The following PRKCH variants were observed in gnomAD, a reference collection of about 807,000 sequenced individuals.
PRKCH encodes the protein protein kinase C eta type.
In PRKCH, 28 loss-of-function variants were observed where a neutral mutation model predicts 82.5. The ratio of observed to expected loss-of-function variants is 0.34; its 90% CI spans 0.25 to 0.47. The LOEUF is 0.47. Ranked by LOEUF, PRKCH falls within the 20% of genes least tolerant of loss-of-function variation. The pLI is 1.00. For synonymous variants in PRKCH, 322 were observed against 327.4 expected (o/e 0.98, Z 0.18); for missense variants, 705 against 881.8 (o/e 0.80, Z 2.54).
At chr14:61,286,094 T>A (rs2045311576) in intron 1 of PRKCH, among the ~76,000 whole-genome samples, 1 of 152,254 alleles carries the variant, frequency 6.6e-6, no homozygotes, top group African/African-American at 2.4e-5. Flanking sequence ...TGTAGTTCAT[T>A]TAATTCATGA....
chr14:61,230,857 T>A (rs1354900264), intron 1 of PRKCH, among the ~76,000 whole-genome samples: 1 of 152,184 alleles, frequency 6.6e-6, no homozygotes, highest in African/African-American at 2.4e-5. Flanking sequence ...GTTAAAATAG[T>A]CACAAAGGTG....
chr14:61,385,114 G>C (rs988475368), intron 1 of PRKCH, among the ~76,000 whole-genome samples: 1 of 151,414 alleles, frequency 6.6e-6, no homozygotes, highest in Non-Finnish European at 1.5e-5. Context: ...TAGGGGAGGG[G>C]GTTAGTGTGT....
intron 2 of PRKCH, among the ~76,000 whole-genome samples, chr14:61,434,773 C>A (rs867419762): frequency 6.6e-6 from 1 of 152,120 alleles, no homozygotes; most frequent in South Asian, 2.1e-4. Flanking sequence ...TGTAATCTAG[C>A]ACTTTGCGAG....
intron 1 of PRKCH, among the ~76,000 whole-genome samples, chr14:61,192,045 T>C (rs1342054478): frequency 3.4e-5 from 5 of 148,810 alleles, no homozygotes; most frequent in Admixed American, 6.7e-5. Flanking sequence ...TGTGTGTGTG[T>C]GCCTGAAATA....
At chr14:61,288,924 A>C (rs1041904697) in intron 1 of PRKCH, among the ~76,000 whole-genome samples, 1 of 152,260 alleles carries the variant, frequency 6.6e-6, no homozygotes, top group Non-Finnish European at 1.5e-5. Context: ...TGAAGGAAGC[A>C]GATCTGGCTG....
intron 1 of PRKCH, among the ~76,000 whole-genome samples, chr14:61,247,967 C>T (rs1429866053): frequency 6.6e-6 from 1 of 152,064 alleles, no homozygotes; most frequent in African/African-American, 2.4e-5. Flanking sequence ...CTTTCAAATA[C>T]AGGATACTCC....
intron 9 of PRKCH, among the ~76,000 whole-genome samples, chr14:61,483,705 G>A (rs548055152): frequency 5.3e-5 from 8 of 152,302 alleles, no homozygotes; most frequent in African/African-American, 1.9e-4. Context: ...AGCTGTGAAT[G>A]TGTGGAAACA....
At chr14:61,417,938 T>A (rs1419140237) in intron 2 of PRKCH, among the ~76,000 whole-genome samples, 2 of 152,196 alleles carry the variant, frequency 1.3e-5, no homozygotes, top group Non-Finnish European at 2.9e-5. Context: ...ACTGAAAGGG[T>A]AGAGGCCAGG....
intron 12 of PRKCH, among the ~76,000 whole-genome samples, chr14:61,541,112 C>CCT (rs2043179021): frequency 6.6e-6 from 1 of 152,262 alleles, no homozygotes; most frequent in Non-Finnish European, 1.5e-5. Context: ...CAGCCACATC[C>CCT]CTGCATGACC....
intron 9 of PRKCH, among the ~76,000 whole-genome samples, chr14:61,478,196 CT>C (rs1253830980): frequency 1.3e-5 from 2 of 152,216 alleles, no homozygotes; most frequent in Non-Finnish European, 2.9e-5. Context: ...AAGCCCTTAG[CT>C]TAAATCATTT....
rs373292464 is a variant in PRKCH, at chr14:61,428,314, A to G, written c.428-14797A>G. 1.5e-4 allele frequency among the ~76,000 whole-genome samples: 23 copies of G among 151,984 alleles called. 3 individuals carry two copies. The highest frequency in any genetic ancestry group is 1.3e-3 in the Admixed American group (20 of 15,266). On this transcript the variant is annotated intron_variant, in intron 2 of 13. Transcript: ENST00000332981. ...CTAGCCTTTGTAACAATAAGGGTCTATTCTGTCGGTTTTAGGTCTCTATTT... is the reference window on the plus strand; with the variant it reads ...CTAGCCTTTGTAACAATAAGGGTCTGTTCTGTCGGTTTTAGGTCTCTATTT...
At chr14:61,398,771 T>G (rs968786414) in intron 2 of PRKCH, among the ~76,000 whole-genome samples, 2 of 152,186 alleles carry the variant, frequency 1.3e-5, no homozygotes, top group Admixed American at 6.5e-5. Context: ...TGGAAAAATT[T>G]TACAGGAAAA....
At chr14:61,428,586 T>C (rs1883243792) in intron 2 of PRKCH, among the ~76,000 whole-genome samples, 1 of 152,198 alleles carries the variant, frequency 6.6e-6, no homozygotes, top group South Asian at 2.1e-4. Context: ...ATGCTGAGAA[T>C]AGCTTAAACT....
At chr14:61,480,943 C>T (rs1435599974) in intron 9 of PRKCH, among the ~76,000 whole-genome samples, 2 of 152,184 alleles carry the variant, frequency 1.3e-5, no homozygotes, top group African/African-American at 4.8e-5. Context: ...TCCAGCCTGA[C>T]TTGCATACCC....
At chr14:61,225,121 C>T (rs750851014) in intron 1 of PRKCH, among the ~76,000 whole-genome samples, 3 of 152,198 alleles carry the variant, frequency 2.0e-5, no homozygotes, top group Non-Finnish European at 4.4e-5. Flanking sequence ...AATGCTCTCT[C>T]CATTAAGTTT....
At chr14:61,379,432 A>G (rs2046468518) in intron 1 of PRKCH, among the ~76,000 whole-genome samples, 1 of 152,252 alleles carries the variant, frequency 6.6e-6, no homozygotes, top group Non-Finnish European at 1.5e-5. Context: ...TGAGCAATGA[A>G]TAATTAAGCA....
intron 1 of PRKCH, among the ~76,000 whole-genome samples, chr14:61,339,377 G>A (rs752235045): frequency 2.0e-5 from 3 of 149,676 alleles, no homozygotes; most frequent in Admixed American, 6.6e-5. Context: ...AGGCTGGAGC[G>A]CAGTGGCGCA....
intron 1 of PRKCH, among the ~76,000 whole-genome samples, chr14:61,286,575 G>A (rs571753889): frequency 2.6e-5 from 4 of 152,084 alleles, no homozygotes; most frequent in South Asian, 2.1e-4. Flanking sequence ...TCGGGAGTTC[G>A]AGATCAGTCT....
chr14:61,423,687 C>T (rs888886797), intron 2 of PRKCH, among the ~76,000 whole-genome samples: 1 of 152,062 alleles, frequency 6.6e-6, no homozygotes, highest in Non-Finnish European at 1.5e-5. Context: ...TGATGGTTGA[C>T]ACCTAAAGGG....
Sources: gnomAD v4.1 joint callset for allele counts (sites outside exome capture counted in the v4.1 genomes callset) on GRCh38, gnomAD v4.1.1 for gene constraint, MANE v1.5 for transcripts, NCBI Gene and HGNC (gene_info 2026-07-23, HGNC 2026-07-21) for gene names.